Variants in PSME4 observed in about 807,000 individuals in gnomAD.
The protein encoded by PSME4 is proteasome activator subunit 4.
A neutral mutation model predicts 253.9 loss-of-function variants in PSME4; 89 were observed. That is an observed-to-expected ratio of 0.35 (90% confidence interval 0.30 to 0.42). The LOEUF is 0.42. PSME4 is among the 10% of genes least tolerant of loss of function. PSME4 has a pLI of 1.00. For missense variants in PSME4, 2,014 were observed against 2,195.2 expected (o/e 0.92, Z 1.65); for synonymous variants, 851 against 759.2 (o/e 1.12, Z -1.99).
rs762102994 is a variant in PSME4 at position 53,936,779 on chromosome 2, G to A, written c.744C>T (p.Leu248=). ...LIGLWVSVQN[L]PQWEGQLVNL... is the part of the protein sequence containing the mutation. ...GGATACTTACCCCCTCCCATTGTGG[G>A]AGATTTTGCACTGAAACCCAAAGGC... is the stretch of plus-strand genomic sequence containing the variant. The change falls in exon 6 of 47, where the codon CTC becomes CTT. Residue 248 remains leucine, a synonymous_variant. Coordinates refer to ENST00000404125, the MANE Select transcript of PSME4 (RefSeq NM_014614.3). 3.1e-6 allele frequency: 5 copies of A among 1,593,572 alleles called. No individual in the cohort carries two copies. Among genetic ancestry groups the A allele is most frequent in the Non-Finnish European group, 4.3e-6 (5 of 1,170,494 alleles).
At chr2:53,882,584 T>C (rs1457635129) in intron 41 of PSME4, among the ~76,000 whole-genome samples, 1 of 152,176 alleles carries the variant, frequency 6.6e-6, no homozygotes, top group African/African-American at 2.4e-5. Context: ...ATGCCCATGA[T>C]TACCTAATTA....
intron 26 of PSME4, among the ~76,000 whole-genome samples, chr2:53,905,451 A>T (rs545644421): frequency 1.3e-5 from 2 of 152,288 alleles, no homozygotes; most frequent in East Asian, 1.9e-4. Context: ...CTGTAATCCC[A>T]ATACCATGGG....
intron 41 of PSME4, among the ~76,000 whole-genome samples, chr2:53,877,885 A>T (rs1161776882): frequency 6.6e-6 from 1 of 152,234 alleles, no homozygotes; most frequent in African/African-American, 2.4e-5. Context: ...CTCAGTTAAT[A>T]TAATCCTTGG....
Position 53,875,771 on chromosome 2 carries a change from A to G in PSME4, c.4816-16T>C. The G allele has an allele frequency of 6.2e-7, 1 of 1,605,952 alleles. No homozygotes were observed. Among genetic ancestry groups the G allele is most frequent in the South Asian group, 1.1e-5 (1 of 89,624 alleles). On this transcript the variant is annotated splice_polypyrimidine_tract_variant and intron_variant, in intron 41 of 46. Transcript: ENST00000404125. ...CTGGGGCAATCTAAAAAACAATGTA[A>G]AAAGGACAAAAATGGAAAAATAATT...
intron 4 of PSME4, among the ~76,000 whole-genome samples, chr2:53,937,773 G>A (rs1212058089): frequency 5.9e-5 from 9 of 152,128 alleles, no homozygotes; most frequent in Non-Finnish European, 1.3e-4. Flanking sequence ...TGAGGTCGAT[G>A]GATCACTTGA....
intron 28 of PSME4, among the ~76,000 whole-genome samples, chr2:53,900,402 A>ATCTC (rs1290728564): frequency 1.1e-4 from 16 of 151,688 alleles, no homozygotes; most frequent in Non-Finnish European, 2.9e-5. Context: ...TCTCTCTCAA[A>ATCTC]AAAAAAAAAA....
intron 44 of PSME4, 97 bp downstream of exon 44, chr2:53,869,279 G>C: frequency 8.2e-7 from 1 of 1,226,326 alleles, no homozygotes; most frequent in Non-Finnish European, 1.1e-6. Context: ...CATAGACCTG[G>C]GCACATACAT....
chr2:53,905,533 T>C (rs1215897407), intron 26 of PSME4, among the ~76,000 whole-genome samples: 2 of 152,178 alleles, frequency 1.3e-5, no homozygotes, highest in Admixed American at 6.5e-5. Context: ...AGACCTTATC[T>C]CTATTAAAAA....
At chr2:53,960,398 C>CAAAAAA in intron 1 of PSME4, among the ~76,000 whole-genome samples, 1 of 55,266 alleles carries the variant, frequency 1.8e-5, no homozygotes, top group Non-Finnish European at 3.8e-5. Context: ...GACTCCATCT[C>CAAAAAA]AAAAAAAAAA....
chr2:53,895,818 C>CGG (rs199800009), intron 32 of PSME4, 82 bp from the exon 33 acceptor site: 1 of 1,301,374 alleles, frequency 7.7e-7, no homozygotes, highest in African/African-American at 1.5e-5. Flanking sequence ...ACAGTACCAG[C>CGG]ATAACTTTGT....
intron 42 of PSME4, among the ~76,000 whole-genome samples, chr2:53,875,288 G>C (rs994839687): frequency 1.3e-5 from 2 of 152,168 alleles, no homozygotes; most frequent in African/African-American, 4.8e-5. Flanking sequence ...CTCTAGAAAA[G>C]ACCAGGTAAC....
intron 41 of PSME4, among the ~76,000 whole-genome samples, chr2:53,880,855 A>G (rs1679349915): frequency 6.6e-6 from 1 of 152,192 alleles, no homozygotes; most frequent in African/African-American, 2.4e-5. Context: ...TCACACTCAC[A>G]GTAAATATGA....
chr2:53,963,357 A>T (rs761278729), intron 1 of PSME4, among the ~76,000 whole-genome samples: 1 of 152,086 alleles, frequency 6.6e-6, no homozygotes, highest in Non-Finnish European at 1.5e-5. Flanking sequence ...AAAAAGAAAG[A>T]GCGCACTGAA....
intron 3 of PSME4, among the ~76,000 whole-genome samples, chr2:53,941,602 C>A (rs1669458200): frequency 6.6e-6 from 1 of 151,962 alleles, no homozygotes; most frequent in Non-Finnish European, 1.5e-5. Context: ...CATTTTATAT[C>A]AGAGTAACAA....
At chr2:53,930,798 T>C (rs899852082) in intron 10 of PSME4, among the ~76,000 whole-genome samples, 5 of 152,182 alleles carry the variant, frequency 3.3e-5, no homozygotes, top group African/African-American at 4.8e-5. Context: ...ACTAGGGACC[T>C]TGGACAAATT....
Position 53,877,247 on chromosome 2 carries a change from CAAAAA to C in PSME4, c.4816-1497_4816-1493del, listed in dbSNP as rs1204678801. 4.4e-4 allele frequency among the ~76,000 whole-genome samples: 22 copies of C among 50,400 alleles called. No homozygotes were observed. In the East Asian group the frequency reaches 8.6e-3, roughly 20 times the overall value. 33.1% of individuals were successfully genotyped at this position (50,400 alleles called of 152,430 possible). A position where few individuals can be genotyped will look rare whatever the true frequency, so the allele number is the denominator to read the frequency against. On this transcript the variant is annotated intron_variant, in intron 41 of 46. Transcript: ENST00000404125. ...ATAACAGAGCAAGATCCTGCCTCTA[CAAAAA>C]AAAAAAAAAAAAAAAAAATTAGCTG... is the stretch of plus-strand genomic sequence containing the variant.
Position 53,895,746 on chromosome 2 carries a change from A to G in PSME4, c.3689-10T>C. The G allele has an allele frequency of 6.4e-7, 1 of 1,566,676 alleles. No homozygotes were observed. The highest frequency in any genetic ancestry group is 8.6e-7 in the Non-Finnish European group (1 of 1,161,086). On this transcript the variant is annotated splice_polypyrimidine_tract_variant and intron_variant, in intron 32 of 46. Transcript: ENST00000404125. ...GGTTTAGGGCATCCACCTAAGGAAA[A>G]GACAATCACATTTGATGAATTTAAA...
chr2:53,901,216 A>C, intron 28 of PSME4, 134 bp downstream of exon 28: 2 of 805,230 alleles, frequency 2.5e-6, no homozygotes, highest in Non-Finnish European at 3.9e-6. Flanking sequence ...AACAGGTAAC[A>C]AACGCTTTTT....
intron 1 of PSME4, among the ~76,000 whole-genome samples, chr2:53,953,960 A>G (rs1670115607): frequency 1.3e-5 from 2 of 152,230 alleles, no homozygotes; most frequent in South Asian, 4.1e-4. Flanking sequence ...AAGATAATAC[A>G]ATAGCATTTC....
Sources: gnomAD v4.1 joint callset for allele counts (sites outside exome capture counted in the v4.1 genomes callset) on GRCh38, gnomAD v4.1.1 for gene constraint, MANE v1.5 for transcripts, NCBI Gene and HGNC (gene_info 2026-07-23, HGNC 2026-07-21) for gene names.